The following FGD6 variants were observed in gnomAD, a reference collection of about 807,000 sequenced individuals.
The protein encoded by FGD6 is FYVE, RhoGEF and PH domain-containing protein 6.
Under a neutral mutation model 149.4 loss-of-function variants are expected in FGD6, and 90 were observed. The observed-to-expected ratio is 0.60, with a 90% CI of 0.51 to 0.72. The LOEUF is 0.72. Ranked by LOEUF, FGD6 falls within the 30% of genes least tolerant of loss-of-function variation. The probability of loss-of-function intolerance (pLI) is 0.00; values close to 1 mark genes in which losing one functional copy is unlikely to be tolerated. For missense variants in FGD6, 1,437 were observed against 1,684.8 expected, an observed-to-expected ratio of 0.85 and a Z score of 2.57; for synonymous variants, 527 against 584.0, an observed-to-expected ratio of 0.90 and a Z score of 1.41.
At chr12:95,100,941 A>C (rs1878406527) in intron 14 of FGD6, 1 of 373,490 alleles carries the variant, frequency 2.7e-6, no homozygotes, top group East Asian at 7.1e-5. Flanking sequence ...CTGTCTACCC[A>C]GCTACCACTG....
At chr12:95,208,729 TC>T in intron 2 of FGD6, 113 bp downstream of exon 2, 1 of 1,259,940 alleles carries the variant, frequency 7.9e-7, no homozygotes, top group East Asian at 2.5e-5. Flanking sequence ...TTACACATTT[TC>T]TAAACTATTC....
At chr12:95,138,055 T>C (rs1388296948) in intron 6 of FGD6, among the ~76,000 whole-genome samples, 2 of 151,822 alleles carry the variant, frequency 1.3e-5, no homozygotes, top group African/African-American at 4.8e-5. Context: ...ACCCAGTCTC[T>C]ACCAAAAATA....
chr12:95,151,934 G>GA (rs764926428), intron 5 of FGD6, among the ~76,000 whole-genome samples: 1 of 152,094 alleles, frequency 6.6e-6, no homozygotes, highest in Non-Finnish European at 1.5e-5. Context: ...AATGCATAAT[G>GA]AAACTTGTGA....
At chr12:95,118,424 T>C (rs988018978) in intron 8 of FGD6, among the ~76,000 whole-genome samples, 1 of 151,532 alleles carries the variant, frequency 6.6e-6, no homozygotes, top group Non-Finnish European at 1.5e-5. Flanking sequence ...GAAATCTAAG[T>C]TTTCTGTATA....
At chr12:95,153,457 T>C (rs1205881885) in intron 3 of FGD6, among the ~76,000 whole-genome samples, 2 of 151,172 alleles carry the variant, frequency 1.3e-5, no homozygotes, top group South Asian at 4.2e-4. Flanking sequence ...AGGTTGGGAG[T>C]TCAAGACCAG....
At chr12:95,084,779 TACTC>T (rs56295113) in intron 19 of FGD6, 133 bp from the exon 20 acceptor site, 63,152 of 725,242 alleles carry the variant, frequency 0.087, 3,096 homozygotes, top group Non-Finnish European at 0.094. Flanking sequence ...TCTAACAACT[TACTC>T]ACTTCTCATT....
At chr12:95,134,164 A>G (rs972712525) in intron 8 of FGD6, among the ~76,000 whole-genome samples, 4 of 152,082 alleles carry the variant, frequency 2.6e-5, no homozygotes, top group Admixed American at 1.3e-4. Context: ...ACAGGGGTCT[A>G]TGTTTCCCAG....
Position 95,176,326 on chromosome 12 carries a change from G to A in FGD6, c.2442-3582C>T, listed in dbSNP as rs551331878. ...TCTGTTTATTTCCTTCCCACTGTCCGAATGATAACATCCTAAGACTGTCTG... is the reference window on the plus strand; with the variant it reads ...TCTGTTTATTTCCTTCCCACTGTCCAAATGATAACATCCTAAGACTGTCTG... On this transcript the variant is annotated intron_variant, in intron 2 of 20. Coordinates refer to ENST00000343958, the MANE Select transcript of FGD6 (RefSeq NM_018351.4). Among the ~76,000 whole-genome samples, 47 of 152,280 alleles carry A rather than the reference G, an allele frequency of 3.1e-4. 1 individual carries two copies. Among genetic ancestry groups the A allele is most frequent in the South Asian group, 1.0e-3 (5 of 4,828 alleles).
chr12:95,084,715 G>C (rs1877801691), intron 19 of FGD6, 69 bp from the exon 20 acceptor site: 1 of 1,272,248 alleles, frequency 7.9e-7, no homozygotes, highest in Admixed American at 2.6e-5. Context: ...GAAAACTCTT[G>C]ATCTACATAG....
intron 3 of FGD6, among the ~76,000 whole-genome samples, chr12:95,172,027 C>T: frequency 2.5e-5 from 1 of 39,946 alleles, no homozygotes; most frequent in Non-Finnish European, 4.7e-5. Flanking sequence ...GTACAGGGAA[C>T]AATTCTAAGG....
chr12:95,198,359 A>G (rs1480794156), intron 2 of FGD6, among the ~76,000 whole-genome samples: 1 of 152,232 alleles, frequency 6.6e-6, no homozygotes, highest in African/African-American at 2.4e-5. Context: ...AAAGGACAAA[A>G]GGGACGAAAT....
At chr12:95,193,777 C>T (rs1881659471) in intron 2 of FGD6, among the ~76,000 whole-genome samples, 1 of 152,116 alleles carries the variant, frequency 6.6e-6, no homozygotes, top group African/African-American at 2.4e-5. Context: ...GATCCGCCTG[C>T]CTCGGCCTCC....
intron 8 of FGD6, among the ~76,000 whole-genome samples, chr12:95,124,468 T>G (rs1879282012): frequency 6.6e-6 from 1 of 152,204 alleles, no homozygotes; most frequent in East Asian, 1.9e-4. Flanking sequence ...TAAAGTTCAG[T>G]GTTTTCTCCA....
intron 2 of FGD6, among the ~76,000 whole-genome samples, chr12:95,180,342 TG>T (rs1270470043): frequency 6.6e-6 from 1 of 151,564 alleles, no homozygotes; most frequent in African/African-American, 2.4e-5. Flanking sequence ...CAGTTGCCTC[TG>T]GGACTAAAGT....
intron 1 of FGD6, among the ~76,000 whole-genome samples, chr12:95,215,165 C>G (rs1286947493): frequency 6.6e-6 from 1 of 152,134 alleles, no homozygotes; most frequent in Non-Finnish European, 1.5e-5. Context: ...CCAGCCTCTC[C>G]TTTTTCATAT....
intron 14 of FGD6, chr12:95,100,616 A>G: frequency 2.0e-6 from 1 of 501,776 alleles, no homozygotes; most frequent in South Asian, 1.5e-5. Flanking sequence ...CTTTTTTCCC[A>G]CCCTTGGGAC....
At chr12:95,183,519 T>A (rs1176095806) in intron 2 of FGD6, among the ~76,000 whole-genome samples, 1 of 151,986 alleles carries the variant, frequency 6.6e-6, no homozygotes, top group East Asian at 1.9e-4. Flanking sequence ...TAAGCAGAAA[T>A]CCCTCCCTCA....
At chr12:95,186,031 G>A (rs1881419624) in intron 2 of FGD6, among the ~76,000 whole-genome samples, 3 of 151,992 alleles carry the variant, frequency 2.0e-5, no homozygotes, top group Non-Finnish European at 4.4e-5. Flanking sequence ...AATGGCAAGA[G>A]GAACTGAAAG....
At chr12:95,084,381 A>G in intron 20 of FGD6, 117 bp downstream of exon 20, 1 of 819,528 alleles carries the variant, frequency 1.2e-6, no homozygotes, top group Non-Finnish European at 1.8e-6. Context: ...CTTTCTAATT[A>G]AAATCTCTGA....
Sources: allele counts gnomAD v4.1 joint callset (sites outside exome capture counted in the v4.1 genomes callset), GRCh38; gene constraint gnomAD v4.1.1; transcripts MANE v1.5; gene names NCBI Gene and HGNC (gene_info 2026-07-23, HGNC 2026-07-21).